The following SEPTIN9 variants were observed in gnomAD, a reference collection of about 807,000 sequenced individuals.
The protein encoded by SEPTIN9 is septin-9.
SEPTIN9 carries 13 observed loss-of-function variants against 56.6 expected under a neutral mutation model. The observed-to-expected ratio is 0.23, with a 90% confidence interval of 0.15 to 0.37. The LOEUF (loss-of-function observed/expected upper bound fraction) is 0.37, where lower values mean the gene tolerates loss of function less well. Ranked by LOEUF, SEPTIN9 falls within the 10% of genes least tolerant of loss-of-function variation. The pLI is 1.00. For missense variants in SEPTIN9, 650 were observed against 823.1 expected, an observed-to-expected ratio of 0.79 and a Z score of 2.57; for synonymous variants, 332 against 334.1, an observed-to-expected ratio of 0.99 and a Z score of 0.07.
rs2033267218 is a variant in SEPTIN9 at position 77,329,506 on chromosome 17, G to A, written c.76+22309G>A. Among the ~76,000 whole-genome samples the A allele has an allele frequency of 2.6e-5, 4 of 152,110 alleles. No homozygotes were observed. The South Asian group carries it at 8.3e-4, about 32-fold the overall frequency. On this transcript the variant is annotated intron_variant, in intron 2 of 11. Transcript: ENST00000427177. The surrounding 1 kb of genome is among the most constrained non-coding windows in gnomAD (Gnocchi z 4.3). ...ACTTGGCCGTGGGTGAGGCCAAGGT[G>A]GTTTGGATCCTGGGAAGGTTGGGTA...
chr17:77,403,180 C>T (rs543778288), intron 3 of SEPTIN9, among the ~76,000 whole-genome samples: 1 of 152,070 alleles, frequency 6.6e-6, no homozygotes, highest in Non-Finnish European at 1.5e-5. Flanking sequence ...CAGCAGAGGC[C>T]GAGGGCTTGG....
At position 77,465,313 on chromosome 17, in the gene SEPTIN9, A is replaced by G. The variant is rs541998823; in HGVS notation, c.722-16831A>G. Among the ~76,000 whole-genome samples the G allele has an allele frequency of 6.6e-5, 10 of 152,326 alleles. No individual in the cohort carries two copies. The South Asian group carries it at 1.9e-3, about 28-fold the overall frequency. On this transcript the variant is annotated intron_variant, in intron 3 of 11. Coordinates refer to ENST00000427177, the MANE Select transcript of SEPTIN9 (RefSeq NM_001113491.2). ...AGAATTCTGCAGTGAGTGCTGGTCT[A>G]CAGGTTTTTGTGTGAACATGTTTTC...
chr17:77,408,451 C>A (rs1027646301), intron 3 of SEPTIN9, among the ~76,000 whole-genome samples: 1 of 152,166 alleles, frequency 6.6e-6, no homozygotes, highest in Non-Finnish European at 1.5e-5. Context: ...GTCAGGCCCC[C>A]CCGAGCTGAT....
At chr17:77,448,437 T>C (rs2037832166) in intron 3 of SEPTIN9, among the ~76,000 whole-genome samples, 1 of 151,554 alleles carries the variant, frequency 6.6e-6, no homozygotes, top group South Asian at 2.1e-4. Context: ...GATCACGCCA[T>C]TGCGCTCCAG....
Position 77,348,740 on chromosome 17 carries a change from G to T in SEPTIN9, c.76+41543G>T, listed in dbSNP as rs139379491. Among the ~76,000 whole-genome samples the T allele has an allele frequency of 7.0e-3, 1,065 of 152,264 alleles. 7 individuals are homozygous for T. The highest frequency in any genetic ancestry group is 0.01 in the Non-Finnish European group (704 of 68,018). On this transcript the variant is annotated intron_variant, in intron 2 of 11. Coordinates refer to ENST00000427177, the MANE Select transcript of SEPTIN9 (RefSeq NM_001113491.2). The stretch of plus-strand genomic sequence containing the variant: ...CATGGAAAAAAAGTGTAAGAACTAG[G>T]CAATCCTATGGGTTCATTTACCACT...
chr17:77,371,465 G>A lies in SEPTIN9; in HGVS notation c.77-30594G>A, dbSNP rs572158528. On this transcript the variant is annotated intron_variant, in intron 2 of 11. Coordinates refer to ENST00000427177, the MANE Select transcript of SEPTIN9 (RefSeq NM_001113491.2). This position sits in a 1 kb window ranked among gnomAD's most constrained non-coding sequence, Gnocchi z 4.1. ...GCATGGGTGTGTCCACACTCACCAG[G>A]TGCTTTTTAGAAAAACACTCGAGAA... is the stretch of plus-strand genomic sequence containing the variant. Among the ~76,000 whole-genome samples, 1 of 152,360 alleles carries A rather than the reference G, an allele frequency of 6.6e-6. No homozygotes were observed. Among genetic ancestry groups the A allele is most frequent in the East Asian group, 1.9e-4 (1 of 5,192 alleles).
intron 3 of SEPTIN9, among the ~76,000 whole-genome samples, chr17:77,420,610 A>C (rs1452130113): frequency 6.6e-6 from 1 of 151,924 alleles, no homozygotes; most frequent in Non-Finnish European, 1.5e-5. Flanking sequence ...AGTCCTTTAG[A>C]TCTCAGGCGG....
chr17:77,304,940 C>T (rs1487442865), intron 1 of SEPTIN9, among the ~76,000 whole-genome samples: 1 of 152,058 alleles, frequency 6.6e-6, no homozygotes, highest in Admixed American at 6.5e-5. Flanking sequence ...CACTCAGCAG[C>T]CTTGGGAGTG....
chr17:77,451,786 T>C lies in SEPTIN9; in HGVS notation c.722-30358T>C, dbSNP rs2037983436. Among the ~76,000 whole-genome samples, 1 of 152,188 alleles carries C rather than the reference T, an allele frequency of 6.6e-6. No homozygotes were observed. Among genetic ancestry groups the C allele is most frequent in the Admixed American group, 6.5e-5 (1 of 15,286 alleles). ...GCTTTGTGTGGTCACAGCTATCTCT[T>C]TGTAAATATTTGGCCAACTAAGCTG... is the stretch of plus-strand genomic sequence containing the variant. On this transcript the variant is annotated intron_variant, in intron 3 of 11. Coordinates refer to ENST00000427177, the MANE Select transcript of SEPTIN9 (RefSeq NM_001113491.2). The surrounding 1 kb of genome is among the most constrained non-coding windows in gnomAD (Gnocchi z 4.2).
In SEPTIN9 at chr17:77,425,007, A is replaced by G. The variant is rs1568058829; in HGVS notation, c.721+22304A>G. 6.6e-6 allele frequency among the ~76,000 whole-genome samples: 1 copy of G among 152,174 alleles called. No individual in the cohort carries two copies. Among genetic ancestry groups the G allele is most frequent in the Non-Finnish European group, 1.5e-5 (1 of 68,016 alleles). ...AGTAGGGTGAGGGTAACCAGGACTT[A>G]CGCATAGTTGGGCGAAGTCGAGTGA... is the stretch of plus-strand genomic sequence containing the variant. On this transcript the variant is annotated intron_variant, in intron 3 of 11. Coordinates refer to ENST00000427177, the MANE Select transcript of SEPTIN9 (RefSeq NM_001113491.2). This position sits in a 1 kb window ranked among gnomAD's most constrained non-coding sequence, Gnocchi z 4.2.
chr17:77,373,276 A>AGGCGGGGGCGG (rs1244303274), intron 2 of SEPTIN9: 8 of 1,123,578 alleles, frequency 7.1e-6, no homozygotes, highest in Non-Finnish European at 7.6e-6. Flanking sequence ...TCCGCCCGGG[A>AGGCGGGGGCGG]GGCGGGGGCG....
At chr17:77,494,317 G>A (rs1194895198) in intron 10 of SEPTIN9, among the ~76,000 whole-genome samples, 2 of 152,328 alleles carry the variant, frequency 1.3e-5, no homozygotes, top group African/African-American at 2.4e-5. Context: ...GGGCCCGAAC[G>A]TTTCCTTCCC....
chr17:77,317,512 G>A lies in SEPTIN9; in HGVS notation c.76+10315G>A, dbSNP rs560853410. Reference sequence around the variant, plus strand: ...GGCACATGTGAGGGATCTAGGTTGCGTGCTTCTTATGAGAATCTGATGCCT... The same window carrying A: ...GGCACATGTGAGGGATCTAGGTTGCATGCTTCTTATGAGAATCTGATGCCT... On this transcript the variant is annotated intron_variant, in intron 2 of 11. Transcript: ENST00000427177. The surrounding 1 kb of genome is among the most constrained non-coding windows in gnomAD (Gnocchi z 4.2). 1.8e-3 allele frequency among the ~76,000 whole-genome samples: 269 copies of A among 152,290 alleles called. No individual in the cohort carries two copies. Among genetic ancestry groups the A allele is most frequent in the Non-Finnish European group, 2.5e-3 (168 of 68,024 alleles).
chr17:77,493,401 A>G (rs1056587379), intron 10 of SEPTIN9, among the ~76,000 whole-genome samples: 3 of 151,916 alleles, frequency 2.0e-5, no homozygotes, highest in Non-Finnish European at 2.9e-5. Context: ...AAATCGCCCA[A>G]CCTCTCTGGG....
chr17:77,314,341 C>CTTTT (rs33986509), intron 2 of SEPTIN9, among the ~76,000 whole-genome samples: 33 of 67,960 alleles, frequency 4.9e-4, no homozygotes, highest in African/African-American at 8.7e-4. Flanking sequence ...TGTGCCTGGA[C>CTTTT]TTTTTTTTTT....
rs2039222553 is a variant in SEPTIN9, at chr17:77,476,574, G to A, written c.722-5570G>A. ...AAGATGGCCCAGTGGACGCCTGCGG[G>A]GAGGAGGGAGCTGGTCCCCAGGATG... On this transcript the variant is annotated intron_variant, in intron 3 of 11. Coordinates refer to ENST00000427177, the MANE Select transcript of SEPTIN9 (RefSeq NM_001113491.2). This position sits in a 1 kb window ranked among gnomAD's most constrained non-coding sequence, Gnocchi z 6.0. Among the ~76,000 whole-genome samples the A allele has an allele frequency of 6.6e-6, 1 of 152,210 alleles. No homozygotes were observed. The highest frequency in any genetic ancestry group is 1.9e-4 in the East Asian group (1 of 5,204).
intron 3 of SEPTIN9, among the ~76,000 whole-genome samples, chr17:77,426,764 A>G (rs1864419830): frequency 6.6e-6 from 1 of 152,028 alleles, no homozygotes; most frequent in Admixed American, 6.5e-5. Flanking sequence ...AGTATTGGAG[A>G]GTCTTGCCGT....
At chr17:77,399,880 G>C (rs1043942767) in intron 2 of SEPTIN9, among the ~76,000 whole-genome samples, 1 of 152,228 alleles carries the variant, frequency 6.6e-6, no homozygotes, top group Non-Finnish European at 1.5e-5. Context: ...GTGTCCTGCT[G>C]CCCTGCGGCC....
At chr17:77,370,623 C>T (rs750005993) in intron 2 of SEPTIN9, among the ~76,000 whole-genome samples, 19 of 152,204 alleles carry the variant, frequency 1.2e-4, no homozygotes, top group Non-Finnish European at 2.4e-4. Flanking sequence ...CTTTTGTGAC[C>T]GTGGAAGAAT....
Sources: gnomAD v4.1 joint callset for allele counts (sites outside exome capture counted in the v4.1 genomes callset) on GRCh38, gnomAD v4.1.1 for gene constraint, Gnocchi (gnomAD v3.1) non-coding constraint, MANE v1.5 for transcripts, NCBI Gene and HGNC (gene_info 2026-07-23, HGNC 2026-07-21) for gene names.